Variants in HSPA5 observed in about 807,000 individuals in gnomAD.
HSPA5 encodes the protein heat shock protein family A (Hsp70) member 5, also known as endoplasmic reticulum chaperone BiP.
Under a neutral mutation model 49.5 loss-of-function variants are expected in HSPA5, and 16 were observed. The ratio of observed to expected loss-of-function variants is 0.32; its 90% CI spans 0.22 to 0.49. HSPA5 has a LOEUF of 0.49. Ranked by LOEUF, HSPA5 falls within the 20% of genes least tolerant of loss-of-function variation. The pLI, the probability that HSPA5 is intolerant of heterozygous loss-of-function variation, is 0.99. For missense variants in HSPA5, 376 were observed against 819.0 expected, an observed-to-expected ratio of 0.46 and a Z score of 6.60; for synonymous variants, 271 against 307.2, an observed-to-expected ratio of 0.88 and a Z score of 1.23.
In HSPA5 at chr9:125,240,269, A is replaced by G. The variant is rs191087735; in HGVS notation, c.395T>C (p.Ile132Thr). The G allele has an allele frequency of 1.9e-6, 3 of 1,611,624 alleles. No individual in the cohort carries two copies. Among genetic ancestry groups the G allele is most frequent in the Admixed American group, 1.7e-5 (1 of 59,756 alleles). Reference sequence around the variant, plus strand: ...AAATGTCTTTGTTTGCCCACCTCCAATATCAACTTGAATGTATGGTTTAGT... The same window carrying G: ...AAATGTCTTTGTTTGCCCACCTCCAGTATCAACTTGAATGTATGGTTTAGT... ...KKTKPYIQVD[I>T]GGGQTKTFAP... The change falls in exon 3 of 8, where the codon ATT (isoleucine) becomes ACT (threonine). Residue 132 changes from isoleucine (I) to threonine (T), a missense_variant. Ile to Thr is a moderately conservative substitution (Grantham distance 89, BLOSUM62 -1). Transcript: ENST00000324460. The surrounding 1 kb of genome is among the most constrained non-coding windows in gnomAD (Gnocchi z 4.4).
chr9:125,240,035 C>A lies in HSPA5; in HGVS notation c.492+137G>T. On this transcript the variant is annotated intron_variant, in intron 3 of 7. Coordinates refer to ENST00000324460, the MANE Select transcript of HSPA5 (RefSeq NM_005347.5). This position sits in a 1 kb window ranked among gnomAD's most constrained non-coding sequence, Gnocchi z 4.4. Reference sequence around the variant, plus strand: ...TTTGTTTGGCTTATAGTAAGGGACTCAATAATTAAACCTGACAAGCATGAA... The same window carrying A: ...TTTGTTTGGCTTATAGTAAGGGACTAAATAATTAAACCTGACAAGCATGAA... 1.7e-6 allele frequency: 1 copy of A among 576,014 alleles called. No homozygotes were observed. 35.7% of individuals were successfully genotyped at this position (576,014 alleles called of 1,614,324 possible).
At position 125,239,197 on chromosome 9, in the gene HSPA5, G is replaced by C; in HGVS notation, c.740C>G (p.Thr247Ser). The change falls in exon 5 of 8, where the codon ACT becomes AGT. Residue 247 changes from threonine to serine, a missense_variant. Coordinates refer to ENST00000324460, the MANE Select transcript of HSPA5 (RefSeq NM_005347.5). This position sits in a 1 kb window ranked among gnomAD's most constrained non-coding sequence, Gnocchi z 5.5. ...TCCACCCAGATGAGTATCTCCATTA[G>C]TGGCCACAACTTCGAAGACACCATT... ...IDNGVFEVVA[T>S]NGDTHLGGED... is the part of the protein sequence containing the mutation. The C allele has an allele frequency of 6.2e-7, 1 of 1,614,060 alleles. No individual in the cohort carries two copies. The highest frequency in any genetic ancestry group is 8.5e-7 in the Non-Finnish European group (1 of 1,180,020).
intron 7 of HSPA5, among the ~76,000 whole-genome samples, chr9:125,237,621 T>G (rs1267689950): frequency 6.7e-6 from 1 of 150,032 alleles, no homozygotes; most frequent in Admixed American, 6.7e-5. Flanking sequence ...GAGGCAGAGG[T>G]TGCAAGTCAT....
chr9:125,239,538 A>C lies in HSPA5; in HGVS notation c.493-5T>G. 6.3e-7 allele frequency: 1 copy of C among 1,591,872 alleles called. No homozygotes were observed. The highest frequency in any genetic ancestry group is 8.6e-7 in the Non-Finnish European group (1 of 1,159,822). On this transcript the variant is annotated splice_polypyrimidine_tract_variant and splice_region_variant and intron_variant, in intron 3 of 7. Transcript: ENST00000324460. This position sits in a 1 kb window ranked among gnomAD's most constrained non-coding sequence, Gnocchi z 5.5. Reference sequence around the variant, plus strand: ...AGTAACAACTGCATGGGTAACCTAAAAGGATAAAAGATAATTAAGTGTATT... The same window carrying C: ...AGTAACAACTGCATGGGTAACCTAACAGGATAAAAGATAATTAAGTGTATT...
Position 125,235,207 on chromosome 9 carries a change from ATTC to A in HSPA5, c.*1382_*1384del, listed in dbSNP as rs1278610261. On this transcript the variant is annotated 3_prime_UTR_variant, in exon 8 of 8. Coordinates refer to ENST00000324460, the MANE Select transcript of HSPA5 (RefSeq NM_005347.5). ...AATACCTATCCTTGGGCAGTATTGG[ATTC>A]TTTTTTTTTTTTTTGAGGTGGAGTC... is the stretch of plus-strand genomic sequence containing the variant. 1.1e-4 allele frequency: 16 copies of A among 150,114 alleles called. No homozygotes were observed. The highest frequency in any genetic ancestry group is 4.2e-4 in the South Asian group (2 of 4,710). 9.3% of individuals were successfully genotyped at this position (150,114 alleles called of 1,614,324 possible). A position where few individuals can be genotyped will look rare whatever the true frequency, so the allele number is the denominator to read the frequency against.
rs1007136118 is a variant in HSPA5 at position 125,237,085 on chromosome 9, G to A, written c.1472C>T (p.Pro491Leu). Residue 491 changes from proline to leucine, a missense_variant, in exon 8 of 8, where the codon CCT becomes CTT. This residue lies in a region of HSPA5 where 71 missense variants were observed against 169.9 expected (regional missense o/e 0.42). Transcript: ENST00000324460. ...GACTTCAATCTGTGGGACCCCACGA[G>A]GAGCAGGAGGAATTCCAGTCAGATC... ...TFDLTGIPPA[P>L]RGVPQIEVTF... 2.3e-5 allele frequency: 37 copies of A among 1,613,534 alleles called. No individual in the cohort carries two copies. Among genetic ancestry groups the A allele is most frequent in the Non-Finnish European group, 3.0e-5 (35 of 1,179,660 alleles).
chr9:125,241,103 C>G lies in HSPA5; in HGVS notation c.24G>C (p.Ala8=). 1 of 1,612,912 alleles carries G rather than the reference C, an allele frequency of 6.2e-7. No homozygotes were observed. Among genetic ancestry groups the G allele is most frequent in the African/African-American group, 1.3e-5 (1 of 75,046 alleles). Residue 8 remains alanine, a synonymous_variant, in exon 1 of 8, where the codon GCG becomes GCC. Transcript: ENST00000324460. Reference sequence around the variant, plus strand: ...GCGCCGCGCTGAGCAGCAGCAGCATCGCGGCCACCAGGGAGAGCTTCATCT... The same window carrying G: ...GCGCCGCGCTGAGCAGCAGCAGCATGGCGGCCACCAGGGAGAGCTTCATCT... MKLSLVA[A]MLLLLSAARA...
rs748506361 is a variant in HSPA5, at chr9:125,236,672, G to A, written c.1885C>T (p.Pro629Ser). 1 of 1,613,618 alleles carries A rather than the reference G, an allele frequency of 6.2e-7. No homozygotes were observed. Among genetic ancestry groups the A allele is most frequent in the South Asian group, 1.1e-5 (1 of 90,992 alleles). The change falls in exon 8 of 8, where the codon CCA becomes TCA. Residue 629 changes from proline to serine, a missense_variant. Around this residue, in one of 8 missense-constraint regions of HSPA5, gnomAD observed 72 missense variants for 87.8 expected, o/e 0.82. Coordinates refer to ENST00000324460, the MANE Select transcript of HSPA5 (RefSeq NM_005347.5). ...KKKELEEIVQ[P>S]IISKLYGSAG... is the part of the protein sequence containing the mutation. Reference sequence around the variant, plus strand: ...CTTCCATAGAGTTTGCTGATAATTGGTTGAACAATTTCTTCCAGTTCCTTC... The same window carrying A: ...CTTCCATAGAGTTTGCTGATAATTGATTGAACAATTTCTTCCAGTTCCTTC...
chr9:125,240,926 A>T lies in HSPA5; in HGVS notation c.123-19T>A. The T allele has an allele frequency of 6.2e-7, 1 of 1,613,582 alleles. No homozygotes were observed. The highest frequency in any genetic ancestry group is 8.5e-7 in the Non-Finnish European group (1 of 1,179,488). On this transcript the variant is annotated intron_variant, in intron 1 of 7. Coordinates refer to ENST00000324460, the MANE Select transcript of HSPA5 (RefSeq NM_005347.5). The surrounding 1 kb of genome is among the most constrained non-coding windows in gnomAD (Gnocchi z 4.4). ...GCCGACGCTGGCAGAAAAACCCGAC[A>T]GAGGGACATCAGCACCGCACTTCTC...
chr9:125,238,443 G>C (rs1832524083), intron 6 of HSPA5, 135 bp from the exon 7 acceptor site: 3 of 965,228 alleles, frequency 3.1e-6, no homozygotes, highest in South Asian at 1.5e-5. Context: ...TAATGATCTT[G>C]AGACTACCCC....
chr9:125,240,621 A>G lies in HSPA5; in HGVS notation c.354+55T>C. ...CACTTTTCCAGAGACTTATAACTCT[A>G]AATACTCCCACCACCCACCCGTTCT... On this transcript the variant is annotated intron_variant, in intron 2 of 7. Transcript: ENST00000324460. The surrounding 1 kb of genome is among the most constrained non-coding windows in gnomAD (Gnocchi z 4.4). The G allele has an allele frequency of 4.2e-6, 6 of 1,427,962 alleles. No individual in the cohort carries two copies. The highest frequency in any genetic ancestry group is 5.9e-6 in the Non-Finnish European group (6 of 1,016,148). 88.5% of individuals were successfully genotyped at this position (1,427,962 alleles called of 1,614,324 possible). A position where few individuals can be genotyped will look rare whatever the true frequency, so the allele number is the denominator to read the frequency against.
rs1299633631 is a variant in HSPA5, at chr9:125,235,622, A to T, written c.*970T>A. ...TTAACAACCCATTCATAGTGAGGGG[A>T]TTTAGTGTAGTTTCAATGTCACCAT... On this transcript the variant is annotated 3_prime_UTR_variant, in exon 8 of 8. Coordinates refer to ENST00000324460, the MANE Select transcript of HSPA5 (RefSeq NM_005347.5). The T allele has an allele frequency of 6.6e-6, 1 of 152,000 alleles. No individual in the cohort carries two copies. The highest frequency in any genetic ancestry group is 1.5e-5 in the Non-Finnish European group (1 of 68,024). 9.4% of individuals were successfully genotyped at this position (152,000 alleles called of 1,614,324 possible). A position where few individuals can be genotyped will look rare whatever the true frequency, so the allele number is the denominator to read the frequency against.
At position 125,234,874 on chromosome 9, in the gene HSPA5, T is replaced by C. The variant is rs1279346988; in HGVS notation, c.*1718A>G. ...ATAGTTGAAGTCTATCTTTTTAATA[T>C]TCAGTAACAGCTCCTCAGAAAGAGT... On this transcript the variant is annotated 3_prime_UTR_variant, in exon 8 of 8. Coordinates refer to ENST00000324460, the MANE Select transcript of HSPA5 (RefSeq NM_005347.5). 1 of 152,074 alleles carries C rather than the reference T, an allele frequency of 6.6e-6. No individual in the cohort carries two copies. Among genetic ancestry groups the C allele is most frequent in the Non-Finnish European group, 1.5e-5 (1 of 68,032 alleles). 9.4% of individuals were successfully genotyped at this position (152,074 alleles called of 1,614,324 possible).
At chr9:125,238,475 C>G in intron 6 of HSPA5, 115 bp downstream of exon 6, 5 of 1,005,500 alleles carry the variant, frequency 5.0e-6, no homozygotes, top group Non-Finnish European at 7.5e-6. Flanking sequence ...CACTTATACC[C>G]TTTACTAGCT....
chr9:125,239,627 C>T lies in HSPA5; in HGVS notation c.493-94G>A. ...CAGGCGGTGGCTTCTGCCTATAATC[C>T]CAGCACTTTGGGAGGCTGAGGCAGG... On this transcript the variant is annotated intron_variant, in intron 3 of 7. Coordinates refer to ENST00000324460, the MANE Select transcript of HSPA5 (RefSeq NM_005347.5). The surrounding 1 kb of genome is among the most constrained non-coding windows in gnomAD (Gnocchi z 5.5). The T allele has an allele frequency of 2.0e-6, 2 of 992,220 alleles. No individual in the cohort carries two copies. Among genetic ancestry groups the T allele is most frequent in the East Asian group, 2.5e-5 (1 of 40,002 alleles). The allele number at this position is 992,220 out of a possible 1,614,324, so 61.5% of individuals were successfully genotyped here. A position where few individuals can be genotyped will look rare whatever the true frequency, so the allele number is the denominator to read the frequency against.
Position 125,239,298 on chromosome 9 carries a change from C to T in HSPA5, c.639G>A (p.Lys213=), listed in dbSNP as rs1365117650. 2 of 1,613,636 alleles carry T rather than the reference C, an allele frequency of 1.2e-6. No individual in the cohort carries two copies. The highest frequency in any genetic ancestry group is 2.2e-5 in the East Asian group (1 of 44,868). ...CCAGGATGTTCTTCTCCCCCTCCCT[C>T]TTATCCAGGCCATAAGCAATAGCAG... ...TAAAIAYGLD[K]REGEKNILVF... is the part of the protein sequence containing the mutation. Residue 213 remains lysine (K), a synonymous_variant, in exon 5 of 8, where the codon AAG becomes AAA. Coordinates refer to ENST00000324460, the MANE Select transcript of HSPA5 (RefSeq NM_005347.5). The surrounding 1 kb of genome is among the most constrained non-coding windows in gnomAD (Gnocchi z 5.5).
chr9:125,238,557 A>G, intron 6 of HSPA5, 33 bp downstream of exon 6: 2 of 1,523,738 alleles, frequency 1.3e-6, no homozygotes, highest in South Asian at 2.2e-5. Flanking sequence ...AAGCTACTGA[A>G]TCACTAAGAA....
rs1215956898 is a variant in HSPA5 at position 125,240,979 on chromosome 9, C to A, written c.122+26G>T. The A allele has an allele frequency of 1.2e-6, 2 of 1,611,418 alleles. No individual in the cohort carries two copies. The highest frequency in any genetic ancestry group is 1.7e-6 in the Non-Finnish European group (2 of 1,178,352). ...GCCAGGCCAGGCGGCCACGCCCCGT[C>A]CCCCTGCATCCGCAACCCCACTTAC... On this transcript the variant is annotated intron_variant, in intron 1 of 7. Transcript: ENST00000324460. This position sits in a 1 kb window ranked among gnomAD's most constrained non-coding sequence, Gnocchi z 4.4.
In HSPA5 at chr9:125,235,207, ATTCT is replaced by A. The variant is rs1342544926; in HGVS notation, c.*1381_*1384del. ...AATACCTATCCTTGGGCAGTATTGG[ATTCT>A]TTTTTTTTTTTTTGAGGTGGAGTCT... is the stretch of plus-strand genomic sequence containing the variant. On this transcript the variant is annotated 3_prime_UTR_variant, in exon 8 of 8. Coordinates refer to ENST00000324460, the MANE Select transcript of HSPA5 (RefSeq NM_005347.5). 1 of 150,114 alleles carries A rather than the reference ATTCT, an allele frequency of 6.7e-6. No individual in the cohort carries two copies. Among genetic ancestry groups the A allele is most frequent in the African/African-American group, 2.4e-5 (1 of 40,864 alleles). 9.3% of individuals were successfully genotyped at this position (150,114 alleles called of 1,614,324 possible).
Sources: allele counts gnomAD v4.1 joint callset (sites outside exome capture counted in the v4.1 genomes callset), GRCh38; gene constraint gnomAD v4.1.1; regional missense constraint gnomAD v4.1.1; non-coding constraint Gnocchi (gnomAD v3.1); transcripts MANE v1.5; gene names NCBI Gene and HGNC (gene_info 2026-07-23, HGNC 2026-07-21).